Variants in RCHY1 observed in about 807,000 individuals in gnomAD.
RCHY1 encodes the protein ring finger and CHY zinc finger domain containing 1.
RCHY1 carries 21 observed loss-of-function variants against 41.6 expected under a neutral mutation model. That is an observed-to-expected ratio of 0.51 (90% confidence interval 0.36 to 0.73). RCHY1 has a LOEUF of 0.73. Among genes scored for constraint, RCHY1 ranks in the 30% least tolerant of loss-of-function variants. The pLI is 0.00. For missense variants in RCHY1, 265 were observed against 325.3 expected (o/e 0.81, Z 1.43); for synonymous variants, 79 against 102.9 (o/e 0.77, Z 1.41).
At chr4:75,497,987 GGTAAAAGGAAAGAAATAA>G (rs1350357454) in intron 3 of RCHY1, among the ~76,000 whole-genome samples, 1 of 150,802 alleles carries the variant, frequency 6.6e-6, no homozygotes, top group Non-Finnish European at 1.5e-5. Flanking sequence ...ACTCAAAATT[GGTAAAAGGAAAGAAATAA>G]TAAAGAGCAG....
chr4:75,509,066 T>G, intron 2 of RCHY1, 111 bp downstream of exon 2: 1 of 1,230,082 alleles, frequency 8.1e-7, no homozygotes, highest in Non-Finnish European at 1.1e-6. Context: ...CCAAAGATAT[T>G]GCTTATTCTA....
chr4:75,510,190 C>G (rs1724731714), intron 1 of RCHY1, among the ~76,000 whole-genome samples: 1 of 152,164 alleles, frequency 6.6e-6, no homozygotes, highest in South Asian at 2.1e-4. Flanking sequence ...AATTGTTCAG[C>G]TATATCAGAC....
At chr4:75,503,399 A>G (rs1168238341) in intron 3 of RCHY1, among the ~76,000 whole-genome samples, 3 of 152,222 alleles carry the variant, frequency 2.0e-5, no homozygotes, top group Admixed American at 6.5e-5. Context: ...TTCTAAGGAC[A>G]AAAAGAAAAT....
Position 75,514,306 on chromosome 4 carries a change from A to G in RCHY1, c.-20T>C, listed in dbSNP as rs766392966. 2 of 1,604,550 alleles carry G rather than the reference A, an allele frequency of 1.2e-6. No homozygotes were observed. Among genetic ancestry groups the G allele is most frequent in the Non-Finnish European group, 1.7e-6 (2 of 1,172,842 alleles). ...CGCCATCTCCTCCACCTCCCCTCAC[A>G]TTCCACCGATCCTTCCCCCAGGATA... On this transcript the variant is annotated 5_prime_UTR_variant, in exon 1 of 9. It removes an upstream start codon present in the reference 5' UTR. Coordinates refer to ENST00000324439, the MANE Select transcript of RCHY1 (RefSeq NM_015436.4).
At chr4:75,514,626 C>T, upstream of RCHY1, 1 of 227,626 alleles carries the variant, frequency 4.4e-6, no homozygotes, top group African/African-American at 2.2e-5. Flanking sequence ...CGCTGGTTGG[C>T]CCCAGAGGAA....
chr4:75,487,989 T>C (rs890095667), intron 8 of RCHY1, among the ~76,000 whole-genome samples: 1 of 146,964 alleles, frequency 6.8e-6, no homozygotes, highest in Non-Finnish European at 1.5e-5. Flanking sequence ...AATTTCAACT[T>C]CAAAATTAAG....
chr4:75,495,334 T>C (rs1271964638), intron 3 of RCHY1, among the ~76,000 whole-genome samples: 1 of 152,006 alleles, frequency 6.6e-6, no homozygotes. Flanking sequence ...TATATTTTTC[T>C]TTAATCCATT....
intron 1 of RCHY1, among the ~76,000 whole-genome samples, chr4:75,512,902 A>AGGGGGGG (rs33923711): frequency 2.1e-5 from 2 of 96,506 alleles, no homozygotes; most frequent in African/African-American, 3.9e-5. Flanking sequence ...CTGGTATTTA[A>AGGGGGGG]GGGGGGGGGG....
chr4:75,503,616 C>A (rs188970209), intron 3 of RCHY1, among the ~76,000 whole-genome samples: 1 of 151,952 alleles, frequency 6.6e-6, no homozygotes, highest in Admixed American at 6.6e-5. Context: ...TGCTTGAACC[C>A]AGGAGGCAGA....
rs965311831 is a variant in RCHY1 at position 75,480,345 on chromosome 4, G to A, written c.*2193C>T. 2.6e-5 allele frequency: 4 copies of A among 152,118 alleles called. No individual in the cohort carries two copies. Among genetic ancestry groups the A allele is most frequent in the African/African-American group, 9.7e-5 (4 of 41,428 alleles). The allele number at this position is 152,118 out of a possible 1,614,324, so 9.4% of individuals were successfully genotyped here. A position where few individuals can be genotyped will look rare whatever the true frequency, so the allele number is the denominator to read the frequency against. On this transcript the variant is annotated 3_prime_UTR_variant, in exon 9 of 9. Coordinates refer to ENST00000324439, the MANE Select transcript of RCHY1 (RefSeq NM_015436.4). ...AAGGTTAATCTATCAAATCATGAGC[G>A]CTTCAATGATATGGATGACTAGCTG... is the stretch of plus-strand genomic sequence containing the variant.
chr4:75,500,103 T>G (rs1323256316), intron 3 of RCHY1, among the ~76,000 whole-genome samples: 1 of 152,110 alleles, frequency 6.6e-6, no homozygotes, highest in Non-Finnish European at 1.5e-5. Flanking sequence ...ATTGTGCGAT[T>G]GCACTCCAGC....
At chr4:75,487,859 A>AT (rs1342045820) in intron 8 of RCHY1, among the ~76,000 whole-genome samples, 3 of 95,004 alleles carry the variant, frequency 3.2e-5, no homozygotes, top group South Asian at 3.0e-4. Context: ...CATAATATAT[A>AT]TATTCATAAT....
Position 75,509,232 on chromosome 4 carries a change from A to G in RCHY1, c.155T>C (p.Leu52Pro). ...LCHDNNEDHQ[L>P]DRFKVKEVQC... ...CACTTCCTTCACTTTAAAGCGATCT[A>G]GTTGATGATCTTCATTGTTATCATG... The change falls in exon 2 of 9, where the codon CTA becomes CCA. Residue 52 changes from leucine to proline, a missense_variant. Transcript: ENST00000324439. The G allele has an allele frequency of 6.2e-7, 1 of 1,613,240 alleles. No homozygotes were observed. The highest frequency in any genetic ancestry group is 8.5e-7 in the Non-Finnish European group (1 of 1,179,448).
intron 3 of RCHY1, among the ~76,000 whole-genome samples, chr4:75,495,723 T>G (rs545068488): frequency 6.6e-6 from 1 of 152,216 alleles, no homozygotes; most frequent in Non-Finnish European, 1.5e-5. Flanking sequence ...CTGCCTTTCT[T>G]GAACCACCAT....
chr4:75,503,598 G>A (rs1724007973), intron 3 of RCHY1, among the ~76,000 whole-genome samples: 1 of 151,978 alleles, frequency 6.6e-6, no homozygotes, highest in Non-Finnish European at 1.5e-5. Flanking sequence ...GGGAGGCTGA[G>A]GCAGAATTGC....
chr4:75,496,833 C>G (rs1161549616), intron 3 of RCHY1, among the ~76,000 whole-genome samples: 1 of 152,020 alleles, frequency 6.6e-6, no homozygotes, highest in East Asian at 1.9e-4. Context: ...TGATATCCAA[C>G]CCACAATAAC....
At chr4:75,504,939 C>G (rs1353606964) in intron 3 of RCHY1, among the ~76,000 whole-genome samples, 2 of 152,136 alleles carry the variant, frequency 1.3e-5, no homozygotes, top group African/African-American at 4.8e-5. Context: ...TCAGGGTTAT[C>G]ATAATACTGA....
chr4:75,491,974 G>C, intron 4 of RCHY1, 41 bp from the exon 5 acceptor site: 1 of 1,424,308 alleles, frequency 7.0e-7, no homozygotes. Context: ...AGCTTAACTA[G>C]ATTAAAATGT....
intron 8 of RCHY1, among the ~76,000 whole-genome samples, chr4:75,486,937 C>A (rs1242166589): frequency 6.6e-6 from 1 of 152,008 alleles, no homozygotes; most frequent in Non-Finnish European, 1.5e-5. Context: ...CAAGATTGCT[C>A]CACTGTACTC....
Sources: allele counts gnomAD v4.1 joint callset (sites outside exome capture counted in the v4.1 genomes callset), GRCh38; gene constraint gnomAD v4.1.1; transcripts MANE v1.5; gene names NCBI Gene and HGNC (gene_info 2026-07-23, HGNC 2026-07-21).